TNRC18: variants seen among roughly 807,000 people sequenced by gnomAD.
TNRC18 encodes trinucleotide repeat containing 18.
In TNRC18, 69 loss-of-function variants were observed where a neutral mutation model predicts 226.7. That is an observed-to-expected ratio of 0.30 (90% CI 0.25 to 0.37). The LOEUF (loss-of-function observed/expected upper bound fraction) is 0.37. Among genes scored for constraint, TNRC18 ranks in the 10% least tolerant of loss-of-function variants. The pLI is 1.00. For missense variants in TNRC18, 4,754 were observed against 4,256.6 expected (o/e 1.12, Z -3.25); for synonymous variants, 2,449 against 1,927.6 (o/e 1.27, Z -7.09).
chr7:5,377,611 G>A lies in TNRC18; in HGVS notation c.2256-35C>T, dbSNP rs1248805971. The A allele has an allele frequency of 6.5e-6, 10 of 1,539,988 alleles. No individual in the cohort carries two copies. The highest frequency in any genetic ancestry group is 1.7e-4 in the Middle Eastern group (1 of 5,916). ...GGATCATAGGTGTCAGCGACAGCTC[G>A]GACAGCCCAGGGGACGAGAGGGAGA... On this transcript the variant is annotated intron_variant, in intron 6 of 29. Coordinates refer to ENST00000430969, the MANE Select transcript of TNRC18 (RefSeq NM_001080495.3). This position sits in a 1 kb window ranked among gnomAD's most constrained non-coding sequence, Gnocchi z 5.8.
chr7:5,351,682 C>T (rs755456647), intron 17 of TNRC18, 137 bp downstream of exon 17: 498 of 946,094 alleles, frequency 5.3e-4, no homozygotes, highest in Non-Finnish European at 6.7e-4. Flanking sequence ...ACCCAGATGG[C>T]AGCCTTCTTG....
At chr7:5,393,051 G>A (rs2128200901) in intron 3 of TNRC18, among the ~76,000 whole-genome samples, 1 of 152,366 alleles carries the variant, frequency 6.6e-6, no homozygotes, top group Non-Finnish European at 1.5e-5. Context: ...GGGCAGGGCT[G>A]GCTCTGAGGC....
At chr7:5,385,954 GC>G (rs1312844906) in intron 5 of TNRC18, among the ~76,000 whole-genome samples, 2 of 129,338 alleles carry the variant, frequency 1.5e-5, no homozygotes, top group Non-Finnish European at 3.1e-5. Context: ...TTGCACTCCA[GC>G]CTGGGCAACA....
chr7:5,311,101 T>A (rs1037594105), intron 27 of TNRC18, among the ~76,000 whole-genome samples: 3 of 152,286 alleles, frequency 2.0e-5, no homozygotes, highest in Non-Finnish European at 4.4e-5. Flanking sequence ...ATGGTTCATG[T>A]ACGTGCCTGC....
intron 2 of TNRC18, among the ~76,000 whole-genome samples, chr7:5,405,350 C>CT (rs1239065271): frequency 1.3e-5 from 2 of 152,190 alleles, no homozygotes; most frequent in Admixed American, 6.5e-5. Flanking sequence ...GAGTGGATCA[C>CT]TTGAGGTCAG....
At position 5,385,982 on chromosome 7, in the gene TNRC18, CAA is replaced by C. The variant is rs1160231238; in HGVS notation, c.2152+1688_2152+1689del. 7.3e-3 allele frequency among the ~76,000 whole-genome samples: 301 copies of C among 41,500 alleles called. 1 individual carries two copies. Among genetic ancestry groups the C allele is most frequent in the African/African-American group, 0.02 (249 of 12,400 alleles). 27.2% of individuals were successfully genotyped at this position (41,500 alleles called of 152,430 possible). A position where few individuals can be genotyped will look rare whatever the true frequency, so the allele number is the denominator to read the frequency against. ...TGGGCAACAGAGCAAAAGTCTGTCT[CAA>C]AAAAAAAAAAAAAAAAAAAAAAACA... On this transcript the variant is annotated intron_variant, in intron 5 of 29. Transcript: ENST00000430969.
chr7:5,327,633 A>C (rs750050673), intron 19 of TNRC18, among the ~76,000 whole-genome samples: 2 of 151,842 alleles, frequency 1.3e-5, no homozygotes, highest in Non-Finnish European at 2.9e-5. Flanking sequence ...GCCTGAATGG[A>C]TTTTTCTTTT....
In TNRC18 at chr7:5,377,978, G is replaced by A. The variant is rs116929984; in HGVS notation, c.2199C>T (p.His733=). The A allele has an allele frequency of 0.038, 61,411 of 1,613,246 alleles. 1,543 individuals are homozygous for A. The highest frequency in any genetic ancestry group is 0.11 in the Admixed American group (6,309 of 59,974). ...GTGCCCCGAGCAGCCGTTCCTCCCGGTGTCTGGCCCGGTCGTCCACACAGT... is the reference window on the plus strand; with the variant it reads ...GTGCCCCGAGCAGCCGTTCCTCCCGATGTCTGGCCCGGTCGTCCACACAGT... The part of the protein sequence containing the change: ...DEDCVDDRAR[H]REERLLGARL... Residue 733 remains histidine, a synonymous_variant, in exon 6 of 30, where the codon CAC becomes CAT. Coordinates refer to ENST00000430969, the MANE Select transcript of TNRC18 (RefSeq NM_001080495.3). The surrounding 1 kb of genome is among the most constrained non-coding windows in gnomAD (Gnocchi z 5.8).
chr7:5,401,594 A>T (rs1781094854), intron 2 of TNRC18, among the ~76,000 whole-genome samples: 1 of 152,192 alleles, frequency 6.6e-6, no homozygotes, highest in South Asian at 2.1e-4. Flanking sequence ...CTTTTCTTTG[A>T]AAGGGTGTCT....
chr7:5,327,108 G>C (rs890661444), intron 19 of TNRC18, among the ~76,000 whole-genome samples: 1 of 152,214 alleles, frequency 6.6e-6, no homozygotes, highest in African/African-American at 2.4e-5. Context: ...GGGCGACAGA[G>C]TGAGACTCTG....
At chr7:5,320,235 A>T in intron 24 of TNRC18, 83 bp downstream of exon 24, 1 of 1,067,410 alleles carries the variant, frequency 9.4e-7, no homozygotes, top group South Asian at 1.4e-5. Flanking sequence ...TTCTTAAGCC[A>T]GTTAGAGTTG....
Position 5,387,711 on chromosome 7 carries a change from C to T in TNRC18, c.2113G>A (p.Val705Ile), listed in dbSNP as rs1009629154. 2.9e-5 allele frequency: 47 copies of T among 1,605,810 alleles called. No homozygotes were observed. Among genetic ancestry groups the T allele is most frequent in the Non-Finnish European group, 3.7e-5 (44 of 1,179,848 alleles). ...GGSGRLGPGL[V>I]DQERSLSLSN... ...AGCGACAGAGAGCGCTCCTGGTCTA[C>T]CAGCCCAGGCCCCAGCCGGCCACTG... Residue 705 changes from valine to isoleucine, a missense_variant, in exon 5 of 30, where the codon GTA becomes ATA. By Grantham distance (29) the Val-to-Ile change is conservative. Coordinates refer to ENST00000430969, the MANE Select transcript of TNRC18 (RefSeq NM_001080495.3).
rs761632540 is a variant in TNRC18, at chr7:5,312,638, C to T, written c.8253G>A (p.Lys2751=). The change falls in exon 27 of 30, where the codon AAG becomes AAA. Residue 2751 remains lysine, a synonymous_variant. Coordinates refer to ENST00000430969, the MANE Select transcript of TNRC18 (RefSeq NM_001080495.3). This position sits in a 1 kb window ranked among gnomAD's most constrained non-coding sequence, Gnocchi z 6.3. ...TGGTGGGGAGGTGGACGCCCTCTCTCTTCTTGGGTCGGCTCTTGGCCCCGG... is the reference window on the plus strand; with the variant it reads ...TGGTGGGGAGGTGGACGCCCTCTCTTTTCTTGGGTCGGCTCTTGGCCCCGG... ...AQAGAKSRPK[K]REGVHLPTTK... The T allele has an allele frequency of 2.2e-5, 36 of 1,609,712 alleles. No homozygotes were observed. Among genetic ancestry groups the T allele is most frequent in the African/African-American group, 6.7e-5 (5 of 74,832 alleles).
chr7:5,323,282 T>C (rs1788562502), intron 21 of TNRC18, among the ~76,000 whole-genome samples: 1 of 152,000 alleles, frequency 6.6e-6, no homozygotes, highest in African/African-American at 2.4e-5. Flanking sequence ...GATTGAGTCA[T>C]CAAAGCCCAG....
At chr7:5,354,822 G>T (rs138974965) in intron 16 of TNRC18, among the ~76,000 whole-genome samples, 1 of 152,268 alleles carries the variant, frequency 6.6e-6, no homozygotes, top group East Asian at 1.9e-4. Flanking sequence ...GCTCACTTAA[G>T]GCCCCCAACG....
In TNRC18 at chr7:5,357,223, C is replaced by T; in HGVS notation, c.4887G>A (p.Lys1629=). 6.2e-7 allele frequency: 1 copy of T among 1,612,446 alleles called. No individual in the cohort carries two copies. The highest frequency in any genetic ancestry group is 8.5e-7 in the Non-Finnish European group (1 of 1,179,392). The change falls in exon 16 of 30, where the codon AAG becomes AAA. Residue 1629 remains lysine (K), a synonymous_variant. Coordinates refer to ENST00000430969, the MANE Select transcript of TNRC18 (RefSeq NM_001080495.3). ...TGGTGAGGGAGAGGGCCTTGTCGAG[C>T]TTGCTTGCCAACTGCTCCTGGTCGC... ...MASDQEQLAS[K]LDKALSLTKQ... is the part of the protein sequence containing the mutation.
At chr7:5,346,850 G>C (rs913630861) in intron 17 of TNRC18, among the ~76,000 whole-genome samples, 1 of 152,196 alleles carries the variant, frequency 6.6e-6, no homozygotes, top group Non-Finnish European at 1.5e-5. Context: ...CAAGCTTAAA[G>C]ACAATCGAAC....
Position 5,308,123 on chromosome 7 carries a change from C to G in TNRC18, c.8890G>C (p.Val2964Leu). The G allele has an allele frequency of 6.4e-7, 1 of 1,553,388 alleles. No individual in the cohort carries two copies. The highest frequency in any genetic ancestry group is 1.2e-5 in the South Asian group (1 of 84,292). Residue 2964 changes from valine (V) to leucine (L), a missense_variant, in exon 30 of 30, where the codon GTG becomes CTG. Coordinates refer to ENST00000430969, the MANE Select transcript of TNRC18 (RefSeq NM_001080495.3). ...TTGMIFSTDG[V>L]PVLC Reference sequence around the variant, plus strand: ...CGGCGGGCTCAGCAGAGCACGGGCACGCCGTCCGTGGAGAAGATCATGCCC... The same window carrying G: ...CGGCGGGCTCAGCAGAGCACGGGCAGGCCGTCCGTGGAGAAGATCATGCCC...
At chr7:5,344,594 G>A (rs1790984015) in intron 18 of TNRC18, among the ~76,000 whole-genome samples, 4 of 152,146 alleles carry the variant, frequency 2.6e-5, no homozygotes, top group Admixed American at 2.6e-4. Context: ...GGGGCAGCTG[G>A]GGGGCCTTCA....
Sources: gnomAD v4.1 joint callset for allele counts (sites outside exome capture counted in the v4.1 genomes callset) on GRCh38, gnomAD v4.1.1 for gene constraint, Gnocchi (gnomAD v3.1) non-coding constraint, MANE v1.5 for transcripts, NCBI Gene and HGNC (gene_info 2026-07-23, HGNC 2026-07-21) for gene names.